Variants in GFRA2 observed in about 807,000 individuals in gnomAD.
The protein encoded by GFRA2 is GDNF family receptor alpha 2.
In GFRA2, 17 loss-of-function variants were observed where a neutral mutation model predicts 48.3. The observed-to-expected ratio is 0.35, with a 90% CI of 0.24 to 0.53. GFRA2 has a LOEUF of 0.53. Ranked by LOEUF, GFRA2 falls within the 20% of genes least tolerant of loss-of-function variation. The probability of loss-of-function intolerance (pLI) is 0.93; values close to 1 mark genes in which losing one functional copy is unlikely to be tolerated. For missense variants in GFRA2, 660 were observed against 637.3 expected (o/e 1.04, Z -0.38); for synonymous variants, 305 against 257.2 (o/e 1.19, Z -1.78).
chr8:21,714,795 C>A (rs1414913442), intron 4 of GFRA2, among the ~76,000 whole-genome samples: 1 of 152,126 alleles, frequency 6.6e-6, no homozygotes, highest in East Asian at 1.9e-4. Flanking sequence ...AGGCCAGGTA[C>A]GGTGGCTGAC....
chr8:21,694,473 G>A lies in GFRA2; in HGVS notation c.1263C>T (p.Cys421=), dbSNP rs1307858002. Reference sequence around the variant, plus strand: ...TCTGCCCCCAACTCACCTCTGTGAAGCACATGCTTAACTCTTTGGAGTTGT... The same window carrying A: ...TCTGCCCCCAACTCACCTCTGTGAAACACATGCTTAACTCTTTGGAGTTGT... ...KANNSKELSM[C]FTELTTNIIP... The change falls in exon 8 of 9, where the codon TGC becomes TGT. Residue 421 remains cysteine (C), a synonymous_variant. Transcript: ENST00000524240. The A allele has an allele frequency of 1.2e-6, 2 of 1,612,304 alleles. No individual in the cohort carries two copies. The highest frequency in any genetic ancestry group is 8.5e-7 in the Non-Finnish European group (1 of 1,179,530).
In GFRA2 at chr8:21,782,696, A is replaced by G. The variant is rs924000071; in HGVS notation, c.244T>C (p.Leu82=). ...MLANKECQAA[L]EVLQESPLYD... ...AGCGGGCTCTCCTGCAAGACCTCCA[A>G]GGCCGCCTGGCACTCCTTGTTGGCC... Residue 82 remains leucine, a synonymous_variant, in exon 2 of 9, where the codon TTG becomes CTG. Transcript: ENST00000524240. 3.1e-6 allele frequency: 5 copies of G among 1,593,260 alleles called. No individual in the cohort carries two copies. In the Admixed American group the frequency reaches 7.0e-5, roughly 22 times the overall value.
intron 2 of GFRA2, among the ~76,000 whole-genome samples, chr8:21,802,132 A>G (rs1458326343): frequency 1.3e-5 from 2 of 152,220 alleles, no homozygotes; most frequent in African/African-American, 4.8e-5. Context: ...CACCCTGTAC[A>G]AAGTGCCCTC....
intron 3 of GFRA2, among the ~76,000 whole-genome samples, chr8:21,766,873 C>A (rs1366720472): frequency 1.2e-3 from 3 of 2,552 alleles, no homozygotes; most frequent in Admixed American, 0.011. Flanking sequence ...CCACACACAC[C>A]CGCACACGTA....
chr8:21,749,197 C>T (rs1279157268), intron 4 of GFRA2, among the ~76,000 whole-genome samples: 1 of 150,646 alleles, frequency 6.6e-6, no homozygotes, highest in African/African-American at 2.4e-5. Context: ...AGCCAAACTT[C>T]AACTTAGTAT....
chr8:21,730,883 A>G (rs1364585252), intron 4 of GFRA2, among the ~76,000 whole-genome samples: 3 of 152,118 alleles, frequency 2.0e-5, no homozygotes, highest in African/African-American at 7.2e-5. Context: ...AGAATTTGAG[A>G]TAAGTATTAA....
chr8:21,809,573 C>T (rs1807939418), intron 1 of GFRA2, among the ~76,000 whole-genome samples: 2 of 152,086 alleles, frequency 1.3e-5, no homozygotes, highest in South Asian at 2.1e-4. Context: ...GTGATCCGCC[C>T]GCCTCGGCCT....
At chr8:21,782,531 C>T in intron 2 of GFRA2, 54 bp downstream of exon 2, 3 of 1,368,474 alleles carry the variant, frequency 2.2e-6, no homozygotes, top group Non-Finnish European at 3.0e-6. Flanking sequence ...CGCCACACGT[C>T]CTCTCTGCCT....
intron 4 of GFRA2, among the ~76,000 whole-genome samples, chr8:21,717,901 C>A (rs1803409365): frequency 6.6e-6 from 1 of 152,180 alleles, no homozygotes; most frequent in South Asian, 2.1e-4. Context: ...TTCAAGAACC[C>A]CTCTACCTAG....
At position 21,750,494 on chromosome 8, in the gene GFRA2, T is replaced by C. The variant is rs1805234744; in HGVS notation, c.794+94A>G. ...CTTTCTGCTGGACTCAGGGTCATAA[T>C]TCGATGCACCCAAGGAATGCAGAGA... On this transcript the variant is annotated intron_variant, in intron 4 of 8. Transcript: ENST00000524240. The surrounding 1 kb of genome is among the most constrained non-coding windows in gnomAD (Gnocchi z 5.7). The C allele has an allele frequency of 1.5e-6, 1 of 685,958 alleles. No individual in the cohort carries two copies. The highest frequency in any genetic ancestry group is 1.8e-5 in the African/African-American group (1 of 55,704). 42.5% of individuals were successfully genotyped at this position (685,958 alleles called of 1,614,324 possible). A position where few individuals can be genotyped will look rare whatever the true frequency, so the allele number is the denominator to read the frequency against.
intron 4 of GFRA2, among the ~76,000 whole-genome samples, chr8:21,724,262 G>A (rs777733087): frequency 1.6e-4 from 24 of 152,206 alleles, no homozygotes; most frequent in African/African-American, 2.9e-4. Flanking sequence ...GTTCCATCTC[G>A]TTGCCCCTTG....
rs2117473767 is a variant in GFRA2, at chr8:21,727,309, C to G, written c.795-21268G>C. Among the ~76,000 whole-genome samples, 3 of 152,248 alleles carry G rather than the reference C, an allele frequency of 2.0e-5. No homozygotes were observed. In the South Asian group the frequency reaches 6.2e-4, roughly 32 times the overall value. On this transcript the variant is annotated intron_variant, in intron 4 of 8. Transcript: ENST00000524240. ...GTTGCCATCTGGAGCTGGGCCCTAC[C>G]TCCCATGGGAGCCAGGGACAGGGCC... is the stretch of plus-strand genomic sequence containing the variant.
chr8:21,789,843 G>A (rs1240599343), upstream of GFRA2, among the ~76,000 whole-genome samples: 3 of 151,964 alleles, frequency 2.0e-5, no homozygotes, highest in African/African-American at 4.8e-5. Flanking sequence ...CTCCTCGGAG[G>A]CCGGCAAACC....
chr8:21,703,394 G>A (rs78292301), intron 6 of GFRA2, among the ~76,000 whole-genome samples: 5,430 of 151,856 alleles, frequency 0.036, 311 homozygotes, highest in African/African-American at 0.12. Context: ...GTGCCTCCTC[G>A]GATGTTCCCA....
intron 2 of GFRA2, among the ~76,000 whole-genome samples, chr8:21,775,477 G>A: frequency 6.6e-6 from 1 of 152,204 alleles, no homozygotes; most frequent in African/African-American, 2.4e-5. Context: ...ACAAGAGAGG[G>A]CTCTGAGGTG....
At position 21,750,105 on chromosome 8, in the gene GFRA2, A is replaced by ACG. The variant is rs1805214148; in HGVS notation, c.794+482_794+483insCG. On this transcript the variant is annotated intron_variant, in intron 4 of 8. Coordinates refer to ENST00000524240, the MANE Select transcript of GFRA2 (RefSeq NM_001495.5). The surrounding 1 kb of genome is among the most constrained non-coding windows in gnomAD (Gnocchi z 5.7). ...TGTGTGTATACACACACACACACACACACACGCACATATATAGGTAGAGAC... is the reference window on the plus strand; with the variant it reads ...TGTGTGTATACACACACACACACACACGCACACGCACATATATAGGTAGAGAC... Among the ~76,000 whole-genome samples, 1 of 147,838 alleles carries ACG rather than the reference A, an allele frequency of 6.8e-6. No homozygotes were observed. The highest frequency in any genetic ancestry group is 2.6e-5 in the African/African-American group (1 of 38,686).
chr8:21,803,764 C>T (rs1385662249), intron 2 of GFRA2, among the ~76,000 whole-genome samples: 2 of 152,316 alleles, frequency 1.3e-5, no homozygotes, highest in East Asian at 3.9e-4. Context: ...TCCCAAGTAG[C>T]TGGGACTACA....
At chr8:21,805,791 TA>T (rs1242259977) in intron 1 of GFRA2, among the ~76,000 whole-genome samples, 1 of 152,192 alleles carries the variant, frequency 6.6e-6, no homozygotes. Flanking sequence ...CTTGCCAGGT[TA>T]ATAATTTGTT....
chr8:21,782,908 TG>T lies in GFRA2; in HGVS notation c.41-10del. On this transcript the variant is annotated splice_polypyrimidine_tract_variant and intron_variant, in intron 1 of 8. Coordinates refer to ENST00000524240, the MANE Select transcript of GFRA2 (RefSeq NM_001495.5). ...AGAGCGGAGGGTCTCGTCTGGGTGG[TG>T]GGGAGGGAAGACAAGCATGAATGAC... The T allele has an allele frequency of 6.5e-7, 1 of 1,543,410 alleles. No individual in the cohort carries two copies. The highest frequency in any genetic ancestry group is 2.4e-5 in the East Asian group (1 of 41,664).
Sources: allele counts gnomAD v4.1 joint callset (sites outside exome capture counted in the v4.1 genomes callset), GRCh38; gene constraint gnomAD v4.1.1; non-coding constraint Gnocchi (gnomAD v3.1); transcripts MANE v1.5; gene names NCBI Gene and HGNC (gene_info 2026-07-23, HGNC 2026-07-21).